Variants in CENATAC observed in about 807,000 individuals in gnomAD.
The protein encoded by CENATAC is centrosomal AT-AC splicing factor, also known as coiled-coil domain containing 84.
A neutral mutation model predicts 53.7 loss-of-function variants in CENATAC; 53 were observed. The observed-to-expected ratio is 0.99, with a 90% CI of 0.79 to 1.24. CENATAC has a LOEUF of 1.24. Among genes scored for constraint, CENATAC ranks in the 50% most tolerant of loss-of-function variants. The pLI is 0.00. For missense variants in CENATAC, 474 were observed against 417.8 expected (o/e 1.13, Z -1.17); for synonymous variants, 156 against 144.6 (o/e 1.08, Z -0.57).
intron 7 of CENATAC, chr11:119,012,526 A>G: frequency 6.2e-6 from 2 of 323,926 alleles, no homozygotes; most frequent in Non-Finnish European, 1.2e-5. Context: ...AATATCCCAC[A>G]GGCATCTGAA....
In CENATAC at chr11:119,000,872, G is replaced by A. The variant is rs1050918824; in HGVS notation, c.383+1763G>A. On this transcript the variant is annotated intron_variant, in intron 3 of 10. Coordinates refer to ENST00000334418, the MANE Select transcript of CENATAC (RefSeq NM_198489.3). The stretch of plus-strand genomic sequence containing the variant: ...CGCCTGCCTCAGCCTTCCAAAGTGA[G>A]CCACCATGCTTACCCCTCACCCTTT... Among the ~76,000 whole-genome samples, 14 of 152,178 alleles carry A rather than the reference G, an allele frequency of 9.2e-5. 1 individual carries two copies. The Middle Eastern group carries it at 0.01, about 111-fold the overall frequency.
chr11:119,004,940 G>A (rs1221550678), intron 3 of CENATAC: 1 of 152,044 alleles, frequency 6.6e-6, no homozygotes, highest in African/African-American at 2.4e-5. Flanking sequence ...TTTGCCTGTA[G>A]TGCTAGCTAC....
At chr11:119,005,570 A>G (rs1942548774) in intron 3 of CENATAC, among the ~76,000 whole-genome samples, 1 of 151,700 alleles carries the variant, frequency 6.6e-6, no homozygotes, top group Admixed American at 6.6e-5. Flanking sequence ...TCAGCCTCCC[A>G]AAGTGCTGGG....
At chr11:118,998,646 G>A in intron 2 of CENATAC, 53 bp downstream of exon 2, 1 of 1,533,570 alleles carries the variant, frequency 6.5e-7, no homozygotes, top group Non-Finnish European at 8.8e-7. Context: ...ATATACGGGA[G>A]GAGGGTTTGG....
chr11:119,015,567 T>A lies in CENATAC; in HGVS notation c.968T>A (p.Met323Lys), dbSNP rs1565673790. ...CAATTCAAAACTGAAGCTGCAGCAA[T>A]GAAGAAGCAGTCACATACAGAAAAA... ...RHQFKTEAAA[M>K]KKQSHTEKS The change falls in exon 11 of 11, where the codon ATG (methionine) becomes AAG (lysine). Residue 323 changes from methionine (M) to lysine (K), a missense_variant. Transcript: ENST00000334418. The A allele has an allele frequency of 3.7e-6, 6 of 1,613,980 alleles. No homozygotes were observed. In the Admixed American group the frequency reaches 6.7e-5, roughly 18 times the overall value.
intron 3 of CENATAC, chr11:119,003,619 CTCTTTT>C: frequency 1.8e-5 from 2 of 110,778 alleles, no homozygotes; most frequent in South Asian, 2.8e-4. Context: ...ATATTTCTCT[CTCTTTT>C]TTTTTTTTTT....
chr11:118,999,089 C>G lies in CENATAC; in HGVS notation c.363C>G (p.Val121=). ...AEVQMKEKFL[V]TPQDYARFKK... ...TCCAGATGAAAGAGAAGTTTCTGGT[C>G]ACTCCCCAGGATTATGCGCGGTGAG... is the stretch of plus-strand genomic sequence containing the variant. Residue 121 remains valine, a synonymous_variant, in exon 3 of 11, where the codon GTC becomes GTG. Coordinates refer to ENST00000334418, the MANE Select transcript of CENATAC (RefSeq NM_198489.3). The G allele has an allele frequency of 6.2e-7, 1 of 1,613,786 alleles. No individual in the cohort carries two copies. The highest frequency in any genetic ancestry group is 8.5e-7 in the Non-Finnish European group (1 of 1,179,720).
intron 3 of CENATAC, among the ~76,000 whole-genome samples, chr11:119,006,968 G>A (rs1223185704): frequency 6.6e-6 from 1 of 152,158 alleles, no homozygotes; most frequent in Non-Finnish European, 1.5e-5. Context: ...GGCCTCCCCG[G>A]CCACATGGAA....
At chr11:119,003,655 G>C (rs1324343368) in intron 3 of CENATAC, 3 of 161,106 alleles carry the variant, frequency 1.9e-5, no homozygotes, top group African/African-American at 1.1e-4. Flanking sequence ...ACAGAGTCTT[G>C]TTCTGTTGCC....
In CENATAC at chr11:118,998,220, C is replaced by T. The variant is rs1336743266; in HGVS notation, c.23C>T (p.Pro8Leu). Residue 8 changes from proline to leucine, a missense_variant, in exon 1 of 11, where the codon CCT (proline) becomes CTT (leucine). Physicochemically the swap from Pro to Leu is moderately conservative, Grantham distance 98. Transcript: ENST00000334418. ...GCTATGGCGCCGGCGCAGCGCTGCCCTCTGTGCCGCCAGACCTTCTTCTGT... is the reference window on the plus strand; with the variant it reads ...GCTATGGCGCCGGCGCAGCGCTGCCTTCTGTGCCGCCAGACCTTCTTCTGT... MAPAQRC[P>L]LCRQTFFCGR... is the part of the protein sequence containing the mutation. 4.4e-6 allele frequency: 7 copies of T among 1,583,132 alleles called. No homozygotes were observed. The highest frequency in any genetic ancestry group is 1.1e-5 in the South Asian group (1 of 87,186).
At chr11:119,015,480 ACCT>A (rs1565673597) in intron 10 of CENATAC, 41 bp downstream of exon 10, 4 of 1,613,180 alleles carry the variant, frequency 2.5e-6, no homozygotes, top group African/African-American at 2.7e-5. Flanking sequence ...TACCCATCCA[ACCT>A]CCTTTTTGGA....
In CENATAC at chr11:119,015,622, G is replaced by T; in HGVS notation, c.*24G>T. 1 of 1,613,086 alleles carries T rather than the reference G, an allele frequency of 6.2e-7. No homozygotes were observed. The highest frequency in any genetic ancestry group is 8.5e-7 in the Non-Finnish European group (1 of 1,179,246). On this transcript the variant is annotated 3_prime_UTR_variant, in exon 11 of 11. Coordinates refer to ENST00000334418, the MANE Select transcript of CENATAC (RefSeq NM_198489.3). ...AATCATGCTCTCTACCAACTACCATGAGGCTAAAAGCAAAGTCAACAAACC... is the reference window on the plus strand; with the variant it reads ...AATCATGCTCTCTACCAACTACCATTAGGCTAAAAGCAAAGTCAACAAACC...
chr11:119,004,893 T>TA (rs927365478), intron 3 of CENATAC: 2,695 of 145,672 alleles, frequency 0.019, 73 homozygotes, highest in African/African-American at 0.063. Context: ...ACCCCATCTC[T>TA]AAAAAAAAAA....
At chr11:118,998,634 A>G (rs782661719) in intron 2 of CENATAC, 41 bp downstream of exon 2, 4 of 1,545,778 alleles carry the variant, frequency 2.6e-6, no homozygotes, top group Middle Eastern at 1.7e-4. Context: ...ACAGACGCAT[A>G]CATATACGGG....
chr11:119,007,595 T>G (rs557208756), intron 3 of CENATAC, among the ~76,000 whole-genome samples: 26 of 152,172 alleles, frequency 1.7e-4, no homozygotes, highest in African/African-American at 6.0e-4. Flanking sequence ...GCTCAAGCAA[T>G]CCTCCCACCC....
chr11:119,000,299 G>A (rs964289323), intron 3 of CENATAC, among the ~76,000 whole-genome samples: 2 of 152,168 alleles, frequency 1.3e-5, no homozygotes, highest in Admixed American at 1.3e-4. Context: ...ATTAGAAGCT[G>A]TAGGTAGGAC....
chr11:119,010,428 A>G (rs1233733898), intron 3 of CENATAC: 1 of 277,648 alleles, frequency 3.6e-6, no homozygotes, highest in African/African-American at 2.2e-5. Context: ...AACCAGCCAA[A>G]TATTTGAACA....
chr11:119,003,209 A>T (rs1592054462), intron 3 of CENATAC: 1 of 534,346 alleles, frequency 1.9e-6, no homozygotes, highest in South Asian at 1.4e-5. Flanking sequence ...ATGGAGACTC[A>T]GTGGTCAGAG....
At chr11:119,001,360 G>A (rs1042679729) in intron 3 of CENATAC, among the ~76,000 whole-genome samples, 6 of 152,002 alleles carry the variant, frequency 3.9e-5, no homozygotes, top group African/African-American at 1.4e-4. Context: ...ACCATGTACA[G>A]TCTGTGTTTC....
Sources: gnomAD v4.1 joint callset for allele counts (sites outside exome capture counted in the v4.1 genomes callset) on GRCh38, gnomAD v4.1.1 for gene constraint, MANE v1.5 for transcripts, NCBI Gene and HGNC (gene_info 2026-07-23, HGNC 2026-07-21) for gene names.